The following SLC44A5 variants were observed in gnomAD, a reference collection of about 807,000 sequenced individuals.
SLC44A5 encodes choline transporter-like protein 5.
A neutral mutation model predicts 101.8 loss-of-function variants in SLC44A5; 57 were observed. That is an observed-to-expected ratio of 0.56 (90% CI 0.45 to 0.70). SLC44A5 has a LOEUF of 0.70. SLC44A5 is among the 30% of genes least tolerant of loss of function. The probability of loss-of-function intolerance (pLI) is 0.00; values close to 1 mark genes in which losing one functional copy is unlikely to be tolerated. For synonymous variants in SLC44A5, 281 were observed against 290.9 expected (o/e 0.97, Z 0.35); for missense variants, 737 against 853.1 (o/e 0.86, Z 1.70).
intron 2 of SLC44A5, among the ~76,000 whole-genome samples, chr1:75,478,183 T>G (rs1667560176): frequency 6.6e-6 from 1 of 152,064 alleles, no homozygotes; most frequent in African/African-American, 2.4e-5. Context: ...AATAAAATCC[T>G]TTACAGACAA....
chr1:75,333,239 A>G (rs1393996963), intron 4 of SLC44A5, among the ~76,000 whole-genome samples: 6 of 152,172 alleles, frequency 3.9e-5, no homozygotes, highest in African/African-American at 1.4e-4. Context: ...AAAAGTAAAT[A>G]ATTGCCCCAA....
intron 4 of SLC44A5, among the ~76,000 whole-genome samples, chr1:75,307,637 G>C (rs1253277347): frequency 6.6e-6 from 1 of 152,066 alleles, no homozygotes; most frequent in Non-Finnish European, 1.5e-5. Flanking sequence ...AGAGAATCTG[G>C]TGATTTTTGA....
chr1:75,356,757 C>T (rs1659110523), intron 3 of SLC44A5, among the ~76,000 whole-genome samples: 1 of 152,166 alleles, frequency 6.6e-6, no homozygotes, highest in South Asian at 2.1e-4. Context: ...GCCGTATTTA[C>T]AGGTGTGCCA....
intron 1 of SLC44A5, among the ~76,000 whole-genome samples, chr1:75,584,670 G>A (rs1266693549): frequency 6.6e-6 from 1 of 152,102 alleles, no homozygotes; most frequent in Non-Finnish European, 1.5e-5. Context: ...TCAGTTCACT[G>A]CAAGTTCAAG....
intron 2 of SLC44A5, 109 bp from the exon 3 acceptor site, chr1:75,396,730 AC>A: frequency 1.2e-6 from 1 of 822,734 alleles, no homozygotes; most frequent in South Asian, 1.4e-5. Flanking sequence ...AGACTAACAC[AC>A]AAAATAACAT....
chr1:75,328,331 A>G (rs1570687384), intron 4 of SLC44A5, among the ~76,000 whole-genome samples: 1 of 152,194 alleles, frequency 6.6e-6, no homozygotes, highest in Non-Finnish European at 1.5e-5. Flanking sequence ...TGACACAGGT[A>G]TGTTGGTCTG....
chr1:75,516,285 C>A (rs1450138801), intron 2 of SLC44A5, among the ~76,000 whole-genome samples: 1 of 152,056 alleles, frequency 6.6e-6, no homozygotes, highest in Non-Finnish European at 1.5e-5. Flanking sequence ...GAGGCCCAGG[C>A]GGGTGGATCA....
At chr1:75,649,325 G>A in the SLC44A5 span, among the ~76,000 whole-genome samples, 1 of 152,144 alleles carries the variant, frequency 6.6e-6, no homozygotes, top group East Asian at 1.9e-4. Context: ...TTTAACAGTT[G>A]AGGTCACTCC....
intron 4 of SLC44A5, among the ~76,000 whole-genome samples, chr1:75,313,389 A>C (rs1655455045): frequency 6.6e-6 from 1 of 152,208 alleles, no homozygotes. Context: ...TTTTTATTAC[A>C]TCAACTTGAT....
At chr1:75,667,545 C>T in the SLC44A5 span, among the ~76,000 whole-genome samples, 1 of 152,160 alleles carries the variant, frequency 6.6e-6, no homozygotes, top group Non-Finnish European at 1.5e-5. Context: ...ATCAAGCTAC[C>T]ATTAACTTTC....
At chr1:75,640,320 T>C in the SLC44A5 span, among the ~76,000 whole-genome samples, 1 of 152,078 alleles carries the variant, frequency 6.6e-6, no homozygotes, top group South Asian at 2.1e-4. Context: ...TCCTGGCTTC[T>C]TCACATGGTG....
intron 4 of SLC44A5, among the ~76,000 whole-genome samples, chr1:75,302,124 T>TG (rs1201037019): frequency 3.6e-5 from 5 of 140,194 alleles, no homozygotes; most frequent in African/African-American, 1.3e-4. Context: ...TTTTTTTTTT[T>TG]TTTTTTTTTT....
chr1:75,315,607 A>G (rs899161278), intron 4 of SLC44A5, among the ~76,000 whole-genome samples: 2 of 152,114 alleles, frequency 1.3e-5, no homozygotes, highest in Non-Finnish European at 2.9e-5. Context: ...ATGTTTGCCT[A>G]AACCTCAGGG....
intron 2 of SLC44A5, among the ~76,000 whole-genome samples, chr1:75,402,914 C>T (rs1662589289): frequency 6.6e-6 from 1 of 152,146 alleles, no homozygotes; most frequent in Non-Finnish European, 1.5e-5. Context: ...GGATCCCACA[C>T]ACATTAAGAC....
chr1:75,699,472 CG>C, the SLC44A5 span, among the ~76,000 whole-genome samples: 1 of 151,780 alleles, frequency 6.6e-6, no homozygotes, highest in African/African-American at 2.4e-5. Context: ...CGTCACCACC[CG>C]GCCTGCCCTA....
At chr1:75,679,203 G>A in the SLC44A5 span, among the ~76,000 whole-genome samples, 17 of 152,288 alleles carry the variant, frequency 1.1e-4, no homozygotes, top group African/African-American at 3.6e-4. Context: ...ATATTATCCA[G>A]GAGAATTTCC....
rs141673878 is a variant in SLC44A5, at chr1:75,606,212, C to T, written c.-70+4828G>A. Among the ~76,000 whole-genome samples, 684 of 152,052 alleles carry T rather than the reference C, an allele frequency of 4.5e-3. 5 individuals carry two copies. The highest frequency in any genetic ancestry group is 0.016 in the African/African-American group (655 of 41,518). On this transcript the variant is annotated intron_variant, in intron 1 of 23. Coordinates refer to ENST00000370859, the MANE Select transcript of SLC44A5 (RefSeq NM_001130058.2). ...CTTGTCTTCTGGAAACTTTTTCCTA[C>T]TATGGCATATTTTATTATTTTGTCA...
the SLC44A5 span, among the ~76,000 whole-genome samples, chr1:75,685,781 G>C: frequency 5.9e-5 from 9 of 152,076 alleles, no homozygotes; most frequent in African/African-American, 2.2e-4. Context: ...CCATATTTTT[G>C]GGTATCCTTA....
rs1433895823 is a variant in SLC44A5, at chr1:75,482,270, TG to T, written c.13+59164del. 3.6e-5 allele frequency among the ~76,000 whole-genome samples: 4 copies of T among 111,510 alleles called. No individual in the cohort carries two copies. The South Asian group carries it at 8.4e-4, about 23-fold the overall frequency. The allele number at this position is 111,510 out of a possible 152,430, so 73.2% of individuals were successfully genotyped here. ...GAACATCACACTCTAGGGACTGTTG[TG>T]GGGTGGGGGGACGGGGGAGGGATAG... On this transcript the variant is annotated intron_variant, in intron 2 of 23. Transcript: ENST00000370859.
Sources: allele counts gnomAD v4.1 joint callset (sites outside exome capture counted in the v4.1 genomes callset), GRCh38; gene constraint gnomAD v4.1.1; transcripts MANE v1.5; gene names NCBI Gene and HGNC (gene_info 2026-07-23, HGNC 2026-07-21).